The following IQCN variants were observed in gnomAD, a reference collection of about 807,000 sequenced individuals.
The protein encoded by IQCN is IQ domain-containing protein N.
Under a neutral mutation model 64.4 loss-of-function variants are expected in IQCN, and 46 were observed. That is an observed-to-expected ratio of 0.71 (90% CI 0.56 to 0.91). IQCN has a LOEUF of 0.91. IQCN is among the 40% of genes least tolerant of loss of function. IQCN has a pLI of 0.00. For missense variants in IQCN, 1,753 were observed against 1,857.4 expected, an observed-to-expected ratio of 0.94 and a Z score of 1.03; for synonymous variants, 733 against 775.6, an observed-to-expected ratio of 0.95 and a Z score of 0.91.
intron 1 of IQCN, among the ~76,000 whole-genome samples, chr19:18,271,103 T>TG (rs1326082989): frequency 1.6e-4 from 22 of 138,794 alleles, no homozygotes; most frequent in Non-Finnish European, 2.1e-4. Flanking sequence ...ACCCGAGAGA[T>TG]GGAGATTGCA....
chr19:18,269,721 T>G, intron 1 of IQCN, 134 bp from the exon 2 acceptor site: 1 of 499,172 alleles, frequency 2.0e-6, no homozygotes, highest in Non-Finnish European at 3.6e-6. Flanking sequence ...TCCAGTGTTA[T>G]TTTGTAGCTA....
At position 18,264,686 on chromosome 19, in the gene IQCN, G is replaced by A. The variant is rs764688910; in HGVS notation, c.2854C>T (p.Arg952Ter). 96 of 1,551,250 alleles carry A rather than the reference G, an allele frequency of 6.2e-5. No homozygotes were observed. Among genetic ancestry groups the A allele is most frequent in the Middle Eastern group, 5.0e-4 (3 of 5,992 alleles). The change falls in exon 3 of 4, where the codon CGA (arginine) becomes TGA (stop). Residue 952 changes from arginine to a stop codon, truncating the protein, a stop_gained. Transcript: ENST00000392413. LOFTEE classifies it high-confidence loss of function. The surrounding 1 kb of genome is among the most constrained non-coding windows in gnomAD (Gnocchi z 4.3). The stretch of plus-strand genomic sequence containing the variant: ...CGCAGCTCGCCCCGGGACAGGGCTC[G>A]GGACAGGGTCAGGCGCAGCTCACTC... The part of the protein sequence containing the change: ...SWSELRLTLS[R>*]ALSRGELRAE...
rs1468534146 is a variant in IQCN at position 18,257,962 on chromosome 19, C to A, written c.3322G>T (p.Ala1108Ser). 6.2e-7 allele frequency: 1 copy of A among 1,612,902 alleles called. No homozygotes were observed. Among genetic ancestry groups the A allele is most frequent in the African/African-American group, 1.3e-5 (1 of 75,052 alleles). ...GCGAGGATGCGGATCTCCTCTGCAGCCTGCATGGACACCATTGGCTCCCCG... is the reference window on the plus strand; with the variant it reads ...GCGAGGATGCGGATCTCCTCTGCAGACTGCATGGACACCATTGGCTCCCCG... The part of the protein sequence containing the change: ...RSGEPMVSMQ[A>S]AEEIRILAVI... Residue 1108 changes from alanine to serine, a missense_variant, in exon 4 of 4, where the codon GCT becomes TCT. Physicochemically the swap from Ala to Ser is moderately conservative, Grantham distance 99. Transcript: ENST00000392413.
rs1184273819 is a variant in IQCN, at chr19:18,257,965, G to A, written c.3319C>T (p.Gln1107Ter). Residue 1107 changes from glutamine (Q) to a stop codon, truncating the protein, a stop_gained, in exon 4 of 4, where the codon CAG becomes TAG. Coordinates refer to ENST00000392413, the MANE Select transcript of IQCN (RefSeq NM_001145304.2). LOFTEE classifies it low-confidence loss of function (END_TRUNC). ...AGGATGCGGATCTCCTCTGCAGCCT[G>A]CATGGACACCATTGGCTCCCCGGAC... is the stretch of plus-strand genomic sequence containing the variant. The part of the protein sequence containing the change: ...RRSGEPMVSM[Q>*]AAEEIRILAV... 7 of 1,612,440 alleles carry A rather than the reference G, an allele frequency of 4.3e-6. No individual in the cohort carries two copies. In the African/African-American group the frequency reaches 6.7e-5, roughly 15 times the overall value.
intron 3 of IQCN, chr19:18,260,216 CT>C (rs1482645545): frequency 6.6e-6 from 1 of 152,576 alleles, no homozygotes; most frequent in Admixed American, 6.5e-5. Context: ...CGTCGTTGAA[CT>C]TGAAGTCCGG....
intron 3 of IQCN, chr19:18,261,885 G>A (rs1478261160): frequency 6.5e-6 from 1 of 153,910 alleles, no homozygotes; most frequent in Non-Finnish European, 1.4e-5. Flanking sequence ...GCCTGAGCTT[G>A]GGGACATCTC....
At chr19:18,259,654 G>C (rs550059739) in intron 3 of IQCN, 1 of 152,318 alleles carries the variant, frequency 6.6e-6, no homozygotes, top group Non-Finnish European at 1.5e-5. Context: ...GAGTCCTGCG[G>C]AATCACATCT....
Position 18,266,045 on chromosome 19 carries a change from C to T in IQCN, c.1495G>A (p.Ala499Thr). ...TKPSPQTRLPAMITKTPAQLR... is the reference protein window; with the variant it reads ...TKPSPQTRLPTMITKTPAQLR... ...TGGGCTGGGGTCTTGGTTATCATGG[C>T]TGGCAGGCGGGTCTGGGGTGAGGGC... Residue 499 changes from alanine (A) to threonine (T), a missense_variant, in exon 3 of 4, where the codon GCC (alanine) becomes ACC (threonine). Physicochemically the swap from Ala to Thr is moderately conservative, Grantham distance 58 (BLOSUM62 0). Transcript: ENST00000392413. This position sits in a 1 kb window ranked among gnomAD's most constrained non-coding sequence, Gnocchi z 4.3. 3 of 1,614,080 alleles carry T rather than the reference C, an allele frequency of 1.9e-6. No individual in the cohort carries two copies. The highest frequency in any genetic ancestry group is 2.5e-6 in the Non-Finnish European group (3 of 1,179,998).
At chr19:18,272,126 C>CTT (rs559386472) in intron 1 of IQCN, among the ~76,000 whole-genome samples, 5 of 122,056 alleles carry the variant, frequency 4.1e-5, no homozygotes, top group South Asian at 2.6e-4. Context: ...CGCGCCTGGC[C>CTT]TTTTTTTTTT....
At position 18,266,080 on chromosome 19, in the gene IQCN, C is replaced by G; in HGVS notation, c.1460G>C (p.Gly487Ala). 1 of 1,613,656 alleles carries G rather than the reference C, an allele frequency of 6.2e-7. No homozygotes were observed. Among genetic ancestry groups the G allele is most frequent in the South Asian group, 1.1e-5 (1 of 91,064 alleles). ...SKTSSQRSPV[G>A]VTKPSPQTRL... ...GGTCTGGGGTGAGGGCTTGGTCACC[C>G]CAACTGGGCTCCTCTGGGATGAAGT... is the stretch of plus-strand genomic sequence containing the variant. Residue 487 changes from glycine to alanine, a missense_variant, in exon 3 of 4, where the codon GGG becomes GCG. By Grantham distance (60) the Gly-to-Ala change is moderately conservative. Transcript: ENST00000392413. The surrounding 1 kb of genome is among the most constrained non-coding windows in gnomAD (Gnocchi z 4.3).
chr19:18,258,558 G>T (rs749107424), intron 3 of IQCN: 8 of 397,404 alleles, frequency 2.0e-5, no homozygotes, highest in Non-Finnish European at 4.0e-5. Context: ...GACAGCTTCT[G>T]TCTGGAAGGG....
Position 18,265,903 on chromosome 19 carries a change from G to A in IQCN, c.1637C>T (p.Ser546Phe), listed in dbSNP as rs61740749. ...GGCCTTGGGTGGGTTCTCATGGATGGAGCCTGAGGTGTTGGGAGTTCCGGC... is the reference window on the plus strand; with the variant it reads ...GGCCTTGGGTGGGTTCTCATGGATGAAGCCTGAGGTGTTGGGAGTTCCGGC... Reference protein sequence around the residue: ...VAAGTPNTSGSIHENPPKAKA... With the variant: ...VAAGTPNTSGFIHENPPKAKA... Residue 546 changes from serine to phenylalanine, a missense_variant, in exon 3 of 4, where the codon TCC becomes TTC. Coordinates refer to ENST00000392413, the MANE Select transcript of IQCN (RefSeq NM_001145304.2). This position sits in a 1 kb window ranked among gnomAD's most constrained non-coding sequence, Gnocchi z 4.7. 17,700 of 1,614,188 alleles carry A rather than the reference G, an allele frequency of 0.011. 135 individuals carry two copies. The highest frequency in any genetic ancestry group is 0.014 in the Non-Finnish European group (16,092 of 1,180,042).
chr19:18,257,346 C>A lies in IQCN; in HGVS notation c.3938G>T (p.Gly1313Val). The A allele has an allele frequency of 6.2e-7, 1 of 1,612,628 alleles. No individual in the cohort carries two copies. Among genetic ancestry groups the A allele is most frequent in the Non-Finnish European group, 8.5e-7 (1 of 1,179,662 alleles). The change falls in exon 4 of 4, where the codon GGC becomes GTC. Residue 1313 changes from glycine (G) to valine (V), a missense_variant. Transcript: ENST00000392413. ...CCTCATCTGCTGGCGGATCTTAAAG[C>A]CCCTCCAGGCGGACTGGATGGCTGT... ...AATAIQSAWR[G>V]FKIRQQMRQQ...
Position 18,257,619 on chromosome 19 carries a change from T to C in IQCN, c.3665A>G (p.Gln1222Arg), listed in dbSNP as rs1345168594. The C allele has an allele frequency of 1.2e-6, 2 of 1,612,660 alleles. No homozygotes were observed. Among genetic ancestry groups the C allele is most frequent in the African/African-American group, 1.3e-5 (1 of 74,944 alleles). Residue 1222 changes from glutamine to arginine, a missense_variant, in exon 4 of 4, where the codon CAG becomes CGG. Gln to Arg is a conservative substitution (Grantham distance 43). Coordinates refer to ENST00000392413, the MANE Select transcript of IQCN (RefSeq NM_001145304.2). ...GCTGCAAGCGTGTGCCTGGCAGGAC[T>C]GGAAGCAGCGATGGTCAGATACTGT... ...ARTVSDHRCF[Q>R]SCQAHACSVC...
At position 18,265,539 on chromosome 19, in the gene IQCN, G is replaced by A; in HGVS notation, c.2001C>T (p.Thr667=). The change falls in exon 3 of 4, where the codon ACC becomes ACT. Residue 667 remains threonine (T), a synonymous_variant. Transcript: ENST00000392413. This position sits in a 1 kb window ranked among gnomAD's most constrained non-coding sequence, Gnocchi z 4.7. ...GTGGATGTCTCTGGGATGAGGCATTGGTCAGTGGGGCAGCCAGCTGTCCCC... is the reference window on the plus strand; with the variant it reads ...GTGGATGTCTCTGGGATGAGGCATTAGTCAGTGGGGCAGCCAGCTGTCCCC... ...LPRGQLAAPL[T]NASSQRHPPC... is the part of the protein sequence containing the mutation. 6.2e-7 allele frequency: 1 copy of A among 1,612,130 alleles called. No homozygotes were observed. The highest frequency in any genetic ancestry group is 8.5e-7 in the Non-Finnish European group (1 of 1,178,574).
intron 1 of IQCN, among the ~76,000 whole-genome samples, chr19:18,273,541 A>G (rs1600140811): frequency 6.6e-6 from 1 of 152,170 alleles, no homozygotes; most frequent in East Asian, 1.9e-4. Context: ...CATGTTGGTC[A>G]GGCTGGTCTT....
chr19:18,264,407 C>A lies in IQCN; in HGVS notation c.3133G>T (p.Ala1045Ser), dbSNP rs1307861114. The A allele has an allele frequency of 4.6e-6, 7 of 1,531,518 alleles. No homozygotes were observed. The highest frequency in any genetic ancestry group is 6.2e-6 in the Non-Finnish European group (7 of 1,136,528). 94.9% of individuals were successfully genotyped at this position (1,531,518 alleles called of 1,614,324 possible). The stretch of plus-strand genomic sequence containing the variant: ...ACGGGGCCCAGGGAGGGCCCCCATG[C>A]GGCCGATGGACTCCTCCTGCAGGCC... ...KVACRRSPSA[A>S]WGPSLGPVRP... The change falls in exon 3 of 4, where the codon GCA (alanine) becomes TCA (serine). Residue 1045 changes from alanine to serine, a missense_variant. By Grantham distance (99) the Ala-to-Ser change is moderately conservative. Coordinates refer to ENST00000392413, the MANE Select transcript of IQCN (RefSeq NM_001145304.2). The surrounding 1 kb of genome is among the most constrained non-coding windows in gnomAD (Gnocchi z 4.3).
At position 18,258,022 on chromosome 19, in the gene IQCN, A is replaced by G. The variant is rs771181646; in HGVS notation, c.3262T>C (p.Trp1088Arg). The G allele has an allele frequency of 3.1e-6, 5 of 1,612,612 alleles. No homozygotes were observed. The East Asian group carries it at 8.9e-5, about 29-fold the overall frequency. Residue 1088 changes from tryptophan (W) to arginine (R), a missense_variant, in exon 4 of 4, where the codon TGG becomes CGG. Transcript: ENST00000392413. ...GGAGGCACCACCGCCTTGTTGCGCC[A>G]GGTGTCCCAGGACGCAGCACCCCTG... The part of the protein sequence containing the change: ...PARGAASWDT[W>R]RNKAVVPPRR...
chr19:18,271,121 G>A (rs1346600786), intron 1 of IQCN, among the ~76,000 whole-genome samples: 9 of 148,526 alleles, frequency 6.1e-5, no homozygotes, highest in Admixed American at 1.3e-4. Flanking sequence ...GCAGTGAGCC[G>A]AGATCACGCA....
Sources: allele counts gnomAD v4.1 joint callset (sites outside exome capture counted in the v4.1 genomes callset), GRCh38; gene constraint gnomAD v4.1.1; non-coding constraint Gnocchi (gnomAD v3.1); transcripts MANE v1.5; gene names NCBI Gene and HGNC (gene_info 2026-07-23, HGNC 2026-07-21).